Variants in JMY observed in about 807,000 individuals in gnomAD.
JMY encodes the protein junction-mediating and -regulatory protein.
A neutral mutation model predicts 103.3 loss-of-function variants in JMY; 46 were observed. The ratio of observed to expected loss-of-function variants is 0.45; its 90% CI spans 0.35 to 0.57. The LOEUF (loss-of-function observed/expected upper bound fraction) is 0.57, where lower values mean the gene tolerates loss of function less well. Ranked by LOEUF, JMY falls within the 20% of genes least tolerant of loss-of-function variation. The probability of loss-of-function intolerance (pLI) is 0.00; values close to 1 mark genes in which losing one functional copy is unlikely to be tolerated. For missense variants in JMY, 1,238 were observed against 1,255.2 expected (o/e 0.99, Z 0.21); for synonymous variants, 526 against 489.3 (o/e 1.07, Z -0.99).
chr5:79,237,094 C>T lies in JMY; in HGVS notation c.444C>T (p.Pro148=), dbSNP rs755467009. 2.6e-6 allele frequency: 4 copies of T among 1,548,006 alleles called. No individual in the cohort carries two copies. Among genetic ancestry groups the T allele is most frequent in the Admixed American group, 2.0e-5 (1 of 50,918 alleles). ...SRLRSPVRAK[P]IPGQKTSEAD... is the part of the protein sequence containing the mutation. ...TTAGGAGCCCAGTGCGGGCCAAACC[C>T]ATCCCGGGTCAGAAAACATCTGAAG... is the stretch of plus-strand genomic sequence containing the variant. Residue 148 remains proline, a synonymous_variant, in exon 1 of 11, where the codon CCC becomes CCT. Coordinates refer to ENST00000396137, the MANE Select transcript of JMY (RefSeq NM_152405.5).
chr5:79,315,914 A>G, intron 9 of JMY, 86 bp from the exon 10 acceptor site: 1 of 1,131,128 alleles, frequency 8.8e-7, no homozygotes, highest in South Asian at 1.5e-5. Flanking sequence ...CTGTGCTTTC[A>G]CAGTTGCGAA....
At chr5:79,301,103 A>G (rs1175965584) in intron 6 of JMY, among the ~76,000 whole-genome samples, 11 of 152,208 alleles carry the variant, frequency 7.2e-5, no homozygotes, top group African/African-American at 2.7e-4. Flanking sequence ...CCTTGACTAC[A>G]GGATCCCTGA....
At chr5:79,284,160 A>T in intron 2 of JMY, 2 of 1,565,368 alleles carry the variant, frequency 1.3e-6, no homozygotes, top group South Asian at 2.3e-5. Flanking sequence ...TGGTGGTTCA[A>T]AACCATCAGC....
intron 7 of JMY, among the ~76,000 whole-genome samples, chr5:79,310,624 T>A (rs1273272406): frequency 6.6e-6 from 1 of 152,200 alleles, no homozygotes; most frequent in Non-Finnish European, 1.5e-5. Flanking sequence ...GTTAACCTTA[T>A]TATTGCAACA....
At chr5:79,315,204 G>A (rs1322318601) in intron 9 of JMY, among the ~76,000 whole-genome samples, 1 of 152,142 alleles carries the variant, frequency 6.6e-6, no homozygotes, top group Non-Finnish European at 1.5e-5. Context: ...GGTAAGGACT[G>A]TCACCACAGG....
At chr5:79,308,455 G>A (rs1016319703) in intron 7 of JMY, among the ~76,000 whole-genome samples, 3 of 152,178 alleles carry the variant, frequency 2.0e-5, no homozygotes, top group African/African-American at 7.2e-5. Flanking sequence ...AGCACCATTT[G>A]TTTAAAAGAC....
At chr5:79,318,703 T>C (rs897431646) in intron 10 of JMY, among the ~76,000 whole-genome samples, 2 of 151,816 alleles carry the variant, frequency 1.3e-5, no homozygotes, top group African/African-American at 4.8e-5. Flanking sequence ...CTTCGAGTTA[T>C]TTTTGCTTGT....
intron 10 of JMY, among the ~76,000 whole-genome samples, chr5:79,320,092 G>T (rs1747400093): frequency 6.6e-6 from 1 of 152,052 alleles, no homozygotes; most frequent in African/African-American, 2.4e-5. Flanking sequence ...TAAGTTTCAG[G>T]CTGAGTGTGA....
At chr5:79,238,645 C>CTTT (rs1234661480) in intron 1 of JMY, among the ~76,000 whole-genome samples, 1 of 109,624 alleles carries the variant, frequency 9.1e-6, no homozygotes, top group Non-Finnish European at 2.0e-5. Flanking sequence ...CCCTCCGCGC[C>CTTT]TTCTTTTTTT....
chr5:79,263,673 G>A (rs1745493589), intron 1 of JMY, among the ~76,000 whole-genome samples: 1 of 151,312 alleles, frequency 6.6e-6, no homozygotes, highest in African/African-American at 2.5e-5. Context: ...GCCACCGCCT[G>A]TGGCCACTAA....
chr5:79,318,757 T>C (rs5012085), intron 10 of JMY, among the ~76,000 whole-genome samples: 2 of 24,696 alleles, frequency 8.1e-5, no homozygotes, highest in Non-Finnish European at 1.5e-4. Flanking sequence ...TATATATATA[T>C]ATATAGAGAG....
At chr5:79,310,057 CTTTTTTTTTTTTTTTTT>C (rs55994052) in intron 7 of JMY, among the ~76,000 whole-genome samples, 1 of 73,680 alleles carries the variant, frequency 1.4e-5, no homozygotes, top group Middle Eastern at 9.6e-3. Context: ...CTTTCTTTTC[CTTTTTTTTTTTTTTTTT>C]TTTTTTTTTG....
intron 4 of JMY, among the ~76,000 whole-genome samples, 155 bp downstream of exon 4, chr5:79,291,454 A>G (rs944214054): frequency 2.0e-5 from 3 of 152,236 alleles, no homozygotes; most frequent in Admixed American, 2.0e-4. Context: ...TTAAGTTGTC[A>G]TTAGAAGAGT....
At chr5:79,317,470 A>G (rs1287119541) in intron 10 of JMY, among the ~76,000 whole-genome samples, 1 of 152,218 alleles carries the variant, frequency 6.6e-6, no homozygotes, top group African/African-American at 2.4e-5. Context: ...ATAACATGGT[A>G]TAAATTAAAC....
intron 1 of JMY, among the ~76,000 whole-genome samples, chr5:79,245,666 C>T (rs2112045884): frequency 6.6e-6 from 1 of 152,200 alleles, no homozygotes; most frequent in South Asian, 2.1e-4. Context: ...CACTCTGTCG[C>T]CCAGACTGGA....
intron 1 of JMY, among the ~76,000 whole-genome samples, chr5:79,261,388 TA>T (rs1745417993): frequency 6.6e-6 from 1 of 151,932 alleles, no homozygotes; most frequent in Non-Finnish European, 1.5e-5. Flanking sequence ...CAAATAATAA[TA>T]ATAATAATAA....
intron 4 of JMY, among the ~76,000 whole-genome samples, chr5:79,294,849 ACT>A (rs1377412246): frequency 6.8e-6 from 1 of 146,854 alleles, no homozygotes; most frequent in Non-Finnish European, 1.5e-5. Flanking sequence ...CAAGAGTGAA[ACT>A]CTGTCTCAAA....
At chr5:79,266,483 T>G (rs1246706919) in intron 1 of JMY, among the ~76,000 whole-genome samples, 1 of 152,220 alleles carries the variant, frequency 6.6e-6, no homozygotes, top group East Asian at 1.9e-4. Flanking sequence ...TTGTACATAT[T>G]TAGGTGGTAC....
chr5:79,284,539 C>G (rs1008092975), intron 2 of JMY: 2 of 1,567,388 alleles, frequency 1.3e-6, no homozygotes, highest in Admixed American at 1.7e-5. Context: ...CATCAATAGT[C>G]CTGACGTCAA....
Sources: gnomAD v4.1 joint callset for allele counts (sites outside exome capture counted in the v4.1 genomes callset) on GRCh38, gnomAD v4.1.1 for gene constraint, MANE v1.5 for transcripts, NCBI Gene and HGNC (gene_info 2026-07-23, HGNC 2026-07-21) for gene names.